The following NRG3 variants were observed in gnomAD, a reference collection of about 807,000 sequenced individuals.
The protein encoded by NRG3 is pro-neuregulin-3, membrane-bound isoform.
A neutral mutation model predicts 66.9 loss-of-function variants in NRG3; 31 were observed. The observed-to-expected ratio is 0.46, with a 90% CI of 0.35 to 0.63. The LOEUF is 0.63. Among genes scored for constraint, NRG3 ranks in the 20% least tolerant of loss-of-function variants. The pLI, the probability that NRG3 is intolerant of heterozygous loss-of-function variation, is 0.00. For missense variants in NRG3, 910 were observed against 878.9 expected (o/e 1.04, Z -0.45); for synonymous variants, 393 against 359.4 (o/e 1.09, Z -1.06).
chr10:82,743,151 T>C (rs2134819838), intron 3 of NRG3, among the ~76,000 whole-genome samples: 1 of 152,240 alleles, frequency 6.6e-6, no homozygotes, highest in Non-Finnish European at 1.5e-5. Context: ...AGCATATTCC[T>C]GGCTGTGATG....
intron 1 of NRG3, among the ~76,000 whole-genome samples, chr10:81,952,254 T>C (rs1849435945): frequency 6.6e-6 from 1 of 151,846 alleles, no homozygotes; most frequent in African/African-American, 2.4e-5. Context: ...TAATAAAGAG[T>C]CATGCCACTT....
At chr10:82,625,078 T>A (rs760955400) in intron 2 of NRG3, among the ~76,000 whole-genome samples, 3 of 151,882 alleles carry the variant, frequency 2.0e-5, no homozygotes, top group Non-Finnish European at 4.4e-5. Context: ...GTGTCTGTTA[T>A]CTACCAGATA....
chr10:82,014,800 T>A (rs2061716032), intron 1 of NRG3, among the ~76,000 whole-genome samples: 1 of 152,028 alleles, frequency 6.6e-6, no homozygotes, highest in Non-Finnish European at 1.5e-5. Flanking sequence ...GTAGGAAACC[T>A]GAGATTTATT....
chr10:82,403,508 C>A lies in NRG3; in HGVS notation c.953+44640C>A, dbSNP rs1365928608. On this transcript the variant is annotated intron_variant, in intron 2 of 8. Transcript: ENST00000372141. ...TCTTCCTCAGCTTGAAAAGGGCATA[C>A]ATATTTCAAAATCACTTTTGAATCT... Among the ~76,000 whole-genome samples, 3 of 152,162 alleles carry A rather than the reference C, an allele frequency of 2.0e-5. No homozygotes were observed. The East Asian group carries it at 5.8e-4, about 29-fold the overall frequency.
intron 1 of NRG3, among the ~76,000 whole-genome samples, chr10:82,127,962 T>C (rs958896971): frequency 2.6e-5 from 4 of 151,872 alleles, no homozygotes; most frequent in African/African-American, 9.7e-5. Context: ...AGTGGTTCAG[T>C]TTGGAAAAGC....
At chr10:82,461,843 A>G (rs1178868893) in intron 2 of NRG3, among the ~76,000 whole-genome samples, 2 of 152,158 alleles carry the variant, frequency 1.3e-5, no homozygotes, top group Admixed American at 6.6e-5. Flanking sequence ...AAATATTTTC[A>G]TATTAGGCCG....
At chr10:82,324,283 G>C (rs2081744244) in intron 1 of NRG3, among the ~76,000 whole-genome samples, 1 of 151,968 alleles carries the variant, frequency 6.6e-6, no homozygotes, top group African/African-American at 2.4e-5. Flanking sequence ...TCTCATTTCT[G>C]TTATCGATAA....
At chr10:81,958,781 T>C (rs11814141) in intron 1 of NRG3, among the ~76,000 whole-genome samples, 17,347 of 151,852 alleles carry the variant, frequency 0.11, 1,609 homozygotes, top group African/African-American at 0.26. Context: ...CCTAGCTACT[T>C]GGGAGGCTGA....
At chr10:82,239,012 A>G (rs2076888045) in intron 1 of NRG3, among the ~76,000 whole-genome samples, 1 of 143,608 alleles carries the variant, frequency 7.0e-6, no homozygotes, top group African/African-American at 2.5e-5. Flanking sequence ...GTTTTTTCTT[A>G]TATCTATAGG....
chr10:82,832,769 T>C lies in NRG3; in HGVS notation c.1028-32642T>C, dbSNP rs892838430. On this transcript the variant is annotated intron_variant, in intron 3 of 8. Coordinates refer to ENST00000372141, the MANE Select transcript of NRG3 (RefSeq NM_001010848.4). ...GAAAAAGTGCTTAAGACATAATAGG[T>C]TAAGAAAAGACAGACAGAAGAGGTA... 1.3e-5 allele frequency among the ~76,000 whole-genome samples: 2 copies of C among 151,572 alleles called. 1 individual carries two copies. Among genetic ancestry groups the C allele is most frequent in the Admixed American group, 1.3e-4 (2 of 15,142 alleles).
chr10:82,257,327 A>G (rs943878764), intron 1 of NRG3, among the ~76,000 whole-genome samples: 6 of 152,174 alleles, frequency 3.9e-5, no homozygotes, highest in Non-Finnish European at 8.8e-5. Flanking sequence ...TCAGAATGCA[A>G]TATTGTGCCA....
At chr10:82,220,258 T>C (rs1005695148) in intron 1 of NRG3, among the ~76,000 whole-genome samples, 1 of 151,856 alleles carries the variant, frequency 6.6e-6, no homozygotes, top group Non-Finnish European at 1.5e-5. Context: ...TCAGAACAAA[T>C]AGACAAATAT....
chr10:82,355,578 T>G (rs2083722332), intron 1 of NRG3, among the ~76,000 whole-genome samples: 1 of 151,608 alleles, frequency 6.6e-6, no homozygotes, highest in African/African-American at 2.4e-5. Context: ...AAGAGTGACT[T>G]GGACACAGTA....
intron 1 of NRG3, among the ~76,000 whole-genome samples, chr10:82,104,373 A>G (rs1372961011): frequency 6.6e-6 from 1 of 152,168 alleles, no homozygotes; most frequent in Admixed American, 6.5e-5. Context: ...GTTCTTAAAA[A>G]GGAGAAAATA....
chr10:82,324,821 A>G (rs1231280196), intron 1 of NRG3, among the ~76,000 whole-genome samples: 1 of 152,210 alleles, frequency 6.6e-6, no homozygotes, highest in Non-Finnish European at 1.5e-5. Context: ...TTGTTTAATG[A>G]ACCCGAATAT....
chr10:82,541,957 C>T (rs1340241871), intron 2 of NRG3, among the ~76,000 whole-genome samples: 1 of 152,080 alleles, frequency 6.6e-6, no homozygotes, highest in Non-Finnish European at 1.5e-5. Flanking sequence ...GCTGAGCATG[C>T]AGGTTTGTTA....
At chr10:82,624,318 A>G (rs1243585852) in intron 2 of NRG3, among the ~76,000 whole-genome samples, 9 of 152,164 alleles carry the variant, frequency 5.9e-5, no homozygotes, top group Admixed American at 1.3e-4. Flanking sequence ...TGTGTAACTC[A>G]TGGTTGAAAC....
chr10:82,000,927 T>C (rs1364571363), intron 1 of NRG3, among the ~76,000 whole-genome samples: 1 of 152,178 alleles, frequency 6.6e-6, no homozygotes, highest in Non-Finnish European at 1.5e-5. Flanking sequence ...AATAATTTTA[T>C]TCAATTTATG....
chr10:82,356,123 T>C (rs1002292616), intron 1 of NRG3, among the ~76,000 whole-genome samples: 5 of 152,196 alleles, frequency 3.3e-5, no homozygotes, highest in African/African-American at 1.2e-4. Context: ...TGCTGATAGA[T>C]GATAACATGA....
Sources: gnomAD v4.1 joint callset for allele counts (sites outside exome capture counted in the v4.1 genomes callset) on GRCh38, gnomAD v4.1.1 for gene constraint, MANE v1.5 for transcripts, NCBI Gene and HGNC (gene_info 2026-07-23, HGNC 2026-07-21) for gene names.